COL21A1: variants seen among roughly 807,000 people sequenced by gnomAD.
COL21A1 encodes the protein collagen alpha-1(XXI) chain.
Under a neutral mutation model 137.9 loss-of-function variants are expected in COL21A1, and 149 were observed. That is an observed-to-expected ratio of 1.08 (90% CI 0.95 to 1.24). The LOEUF is 1.24. Ranked by LOEUF, COL21A1 falls within the 50% of genes most tolerant of loss-of-function variation. The probability of loss-of-function intolerance (pLI) is 0.00; values close to 1 mark genes in which losing one functional copy is unlikely to be tolerated. For missense variants in COL21A1, 1,167 were observed against 1,158.4 expected (o/e 1.01, Z -0.11); for synonymous variants, 456 against 391.5 (o/e 1.16, Z -1.95).
intron 1 of COL21A1, among the ~76,000 whole-genome samples, chr6:56,393,615 T>G (rs1178636300): frequency 4.6e-5 from 7 of 152,144 alleles, no homozygotes; most frequent in Non-Finnish European, 8.8e-5. Context: ...CAAAATAGTG[T>G]ATAGAGATTC....
chr6:56,115,126 G>A, intron 16 of COL21A1, among the ~76,000 whole-genome samples: 1 of 147,206 alleles, frequency 6.8e-6, no homozygotes, highest in Non-Finnish European at 1.5e-5. Flanking sequence ...ACAGGAAGGG[G>A]AATATCACAC....
chr6:56,146,982 C>A, intron 10 of COL21A1, among the ~76,000 whole-genome samples: 1 of 152,092 alleles, frequency 6.6e-6, no homozygotes, highest in Non-Finnish European at 1.5e-5. Context: ...ACATTGCCTA[C>A]CTTTGACAAA....
intron 1 of COL21A1, among the ~76,000 whole-genome samples, chr6:56,280,033 G>C (rs563608074): frequency 6.6e-6 from 1 of 151,958 alleles, no homozygotes; most frequent in Non-Finnish European, 1.5e-5. Flanking sequence ...AACACAAAAA[G>C]CTACCATCTT....
chr6:56,231,477 A>T (rs927952120), intron 1 of COL21A1, among the ~76,000 whole-genome samples: 13 of 151,870 alleles, frequency 8.6e-5, no homozygotes, highest in African/African-American at 3.1e-4. Context: ...GACCACTAAG[A>T]CATTGCAGGA....
chr6:56,363,765 G>A (rs1255360013), intron 1 of COL21A1, among the ~76,000 whole-genome samples: 1 of 89,674 alleles, frequency 1.1e-5, no homozygotes, highest in Non-Finnish European at 2.2e-5. Flanking sequence ...AAATCTGACT[G>A]GACAACCCAA....
chr6:56,103,810 A>G (rs1318716219), intron 16 of COL21A1, among the ~76,000 whole-genome samples: 1 of 152,184 alleles, frequency 6.6e-6, no homozygotes, highest in Non-Finnish European at 1.5e-5. Flanking sequence ...AAGGTTTGTT[A>G]AACTGCAGAT....
At position 56,141,989 on chromosome 6, in the gene COL21A1, GA is replaced by G; in HGVS notation, c.1435-7del. ...CCTGCAATTCCCTGATATCCCTAAA[GA>G]AAAATTTAAAAAGAAAAAAAATAAT... is the stretch of plus-strand genomic sequence containing the variant. On this transcript the variant is annotated splice_polypyrimidine_tract_variant and splice_region_variant and intron_variant, in intron 10 of 29. Transcript: ENST00000244728. 2 of 1,508,814 alleles carry G rather than the reference GA, an allele frequency of 1.3e-6. No individual in the cohort carries two copies. The highest frequency in any genetic ancestry group is 1.3e-5 in the South Asian group (1 of 77,008). The allele number at this position is 1,508,814 out of a possible 1,614,324, so 93.5% of individuals were successfully genotyped here.
chr6:56,139,511 AC>A, intron 12 of COL21A1, among the ~76,000 whole-genome samples: 1 of 152,152 alleles, frequency 6.6e-6, no homozygotes, highest in South Asian at 2.1e-4. Context: ...ACACACACAC[AC>A]ACACAAGTGT....
chr6:56,171,017 G>A lies in COL21A1; in HGVS notation c.752C>T (p.Pro251Leu). 1 of 1,605,406 alleles carries A rather than the reference G, an allele frequency of 6.2e-7. No homozygotes were observed. The highest frequency in any genetic ancestry group is 8.5e-7 in the Non-Finnish European group (1 of 1,176,754). The change falls in exon 4 of 30, where the codon CCA becomes CTA. Residue 251 changes from proline (P) to leucine (L), a missense_variant. Transcript: ENST00000244728. ...TACTTCATATCCTTTTATCTTTTTT[G>A]GTGAAAGCTGTATTCTTTTCTTAAC... ...KKVKKRIQLS[P>L]KKIKGYEVTS...
intron 1 of COL21A1, among the ~76,000 whole-genome samples, chr6:56,291,961 G>A (rs1412120837): frequency 6.6e-6 from 1 of 152,072 alleles, no homozygotes; most frequent in African/African-American, 2.4e-5. Flanking sequence ...TGAGTTTTAG[G>A]AGTTCGAGAC....
Position 56,088,083 on chromosome 6 carries a change from G to A in COL21A1, c.1813-10510C>T, listed in dbSNP as rs1317603739. Among the ~76,000 whole-genome samples, 7 of 152,044 alleles carry A rather than the reference G, an allele frequency of 4.6e-5. No individual in the cohort carries two copies. In the East Asian group the frequency reaches 1.4e-3, roughly 29 times the overall value. On this transcript the variant is annotated intron_variant, in intron 17 of 29. Coordinates refer to ENST00000244728, the MANE Select transcript of COL21A1 (RefSeq NM_030820.4). The stretch of plus-strand genomic sequence containing the variant: ...ATCATATAATAATTTTGCTTTTTAG[G>A]CCGGGCACAGTGGCTCACACCTGTA...
At chr6:56,156,827 C>A in intron 10 of COL21A1, 60 bp downstream of exon 10, 1 of 1,392,250 alleles carries the variant, frequency 7.2e-7, no homozygotes, top group East Asian at 2.4e-5. Context: ...CTCAGCAAAA[C>A]TTTTACTTTG....
intron 17 of COL21A1, among the ~76,000 whole-genome samples, chr6:56,086,913 G>T (rs148090187): frequency 2.1e-4 from 32 of 152,184 alleles, no homozygotes; most frequent in Admixed American, 2.6e-4. Context: ...TTCTGGCATT[G>T]CTTCTTCTCT....
chr6:56,139,691 A>T (rs1774272586), intron 12 of COL21A1, among the ~76,000 whole-genome samples: 1 of 152,146 alleles, frequency 6.6e-6, no homozygotes, highest in Non-Finnish European at 1.5e-5. Flanking sequence ...CAAAATATAT[A>T]TTGGAGTTCC....
intron 1 of COL21A1, among the ~76,000 whole-genome samples, chr6:56,313,622 A>G (rs76620811): frequency 0.03 from 4,609 of 152,114 alleles, 102 homozygotes; most frequent in Non-Finnish European, 0.047. Context: ...ACCTCCCTTA[A>G]TCTTATTAAC....
intron 1 of COL21A1, among the ~76,000 whole-genome samples, chr6:56,240,885 T>C (rs945715717): frequency 1.3e-5 from 2 of 152,188 alleles, no homozygotes; most frequent in Non-Finnish European, 2.9e-5. Flanking sequence ...ATTTAGATTA[T>C]AGGTACCTAT....
intron 1 of COL21A1, among the ~76,000 whole-genome samples, chr6:56,255,923 A>G (rs724677): frequency 0.9 from 136,384 of 152,166 alleles, 61,325 homozygotes; most frequent in African/African-American, 0.96. Context: ...AACCTGAACC[A>G]CAACAATTCT....
At chr6:56,272,694 T>C (rs1763557492) in intron 1 of COL21A1, among the ~76,000 whole-genome samples, 1 of 152,030 alleles carries the variant, frequency 6.6e-6, no homozygotes, top group Admixed American at 6.5e-5. Flanking sequence ...ATGGGGGTGG[T>C]TTCCCATGCT....
intron 10 of COL21A1, among the ~76,000 whole-genome samples, chr6:56,146,967 G>A (rs1219674024): frequency 6.6e-6 from 1 of 152,060 alleles, no homozygotes; most frequent in Non-Finnish European, 1.5e-5. Flanking sequence ...GCACATAAAT[G>A]AAAAACATTG....
Sources: allele counts gnomAD v4.1 joint callset (sites outside exome capture counted in the v4.1 genomes callset), GRCh38; gene constraint gnomAD v4.1.1; transcripts MANE v1.5; gene names NCBI Gene and HGNC (gene_info 2026-07-23, HGNC 2026-07-21).